MRAS: variants seen among roughly 807,000 people sequenced by gnomAD.
MRAS encodes the protein muscle RAS oncogene homolog.
MRAS carries 4 observed loss-of-function variants against 20.9 expected under a neutral mutation model. The observed-to-expected ratio is 0.19, with a 90% CI of 0.09 to 0.44. The LOEUF is 0.44. MRAS is among the 20% of genes least tolerant of loss of function. The pLI, the probability that MRAS is intolerant of heterozygous loss-of-function variation, is 0.99. For synonymous variants in MRAS, 98 were observed against 102.9 expected, an observed-to-expected ratio of 0.95 and a Z score of 0.29; for missense variants, 154 against 277.5, an observed-to-expected ratio of 0.56 and a Z score of 3.16.
In MRAS at chr3:138,402,356, C is replaced by T. The variant is rs2279241; in HGVS notation, c.*87C>T. 152,970 of 1,153,838 alleles carry T rather than the reference C, an allele frequency of 0.13. 11,093 individuals are homozygous for T. Among genetic ancestry groups the T allele is most frequent in the Non-Finnish European group, 0.15 (120,033 of 788,418 alleles). The allele number at this position is 1,153,838 out of a possible 1,614,324, so 71.5% of individuals were successfully genotyped here. ...CTAACTGCACTGAAACCATTTCTAA[C>T]CACAACCCTTGGCCCAAGGACTTGG... On this transcript the variant is annotated 3_prime_UTR_variant, in exon 6 of 6. Transcript: ENST00000423968.
At chr3:138,358,829 G>T (rs1478024466) in intron 1 of MRAS, among the ~76,000 whole-genome samples, 1 of 152,202 alleles carries the variant, frequency 6.6e-6, no homozygotes, top group Non-Finnish European at 1.5e-5. Flanking sequence ...TGCAGTGGGG[G>T]TCAGAGAAGT....
chr3:138,396,272 C>T (rs551175243), intron 2 of MRAS, among the ~76,000 whole-genome samples: 1 of 152,208 alleles, frequency 6.6e-6, no homozygotes, highest in African/African-American at 2.4e-5. Context: ...TTGACCATCC[C>T]CATTTTAGGA....
chr3:138,367,602 G>T (rs972079575), intron 1 of MRAS, among the ~76,000 whole-genome samples: 9 of 152,208 alleles, frequency 5.9e-5, no homozygotes, highest in African/African-American at 2.2e-4. Flanking sequence ...AGAAGGATGG[G>T]TGTGACCCCC....
At chr3:138,395,724 G>A (rs1471173097) in intron 2 of MRAS, among the ~76,000 whole-genome samples, 2 of 152,160 alleles carry the variant, frequency 1.3e-5, no homozygotes, top group Admixed American at 6.5e-5. Context: ...TTCATTTGTT[G>A]ATCTGTCTTG....
At chr3:138,393,943 G>GGC (rs2055181159) in intron 2 of MRAS, among the ~76,000 whole-genome samples, 1 of 152,060 alleles carries the variant, frequency 6.6e-6, no homozygotes, top group South Asian at 2.1e-4. Flanking sequence ...CACCTGCCTT[G>GGC]GCCTTCCAAA....
At chr3:138,368,464 A>G (rs1246559306) in intron 1 of MRAS, among the ~76,000 whole-genome samples, 2 of 152,280 alleles carry the variant, frequency 1.3e-5, no homozygotes, top group African/African-American at 2.4e-5. Flanking sequence ...CACTTTACTA[A>G]TAAGATACTG....
At chr3:138,385,156 ATTT>A (rs34770279) in intron 2 of MRAS, among the ~76,000 whole-genome samples, 1,648 of 66,492 alleles carry the variant, frequency 0.025, 69 homozygotes, top group African/African-American at 0.099. Context: ...TTGATTTGTA[ATTT>A]TTTTTTTTTT....
chr3:138,368,901 G>A (rs893310665), intron 1 of MRAS, among the ~76,000 whole-genome samples: 1 of 152,144 alleles, frequency 6.6e-6, no homozygotes, highest in East Asian at 1.9e-4. Flanking sequence ...AGGGTTTTGG[G>A]GGGGGCCGGA....
intron 2 of MRAS, among the ~76,000 whole-genome samples, chr3:138,380,520 A>G (rs2054878986): frequency 6.6e-6 from 1 of 151,974 alleles, no homozygotes; most frequent in Admixed American, 6.5e-5. Flanking sequence ...CGTGTTGGCC[A>G]GGCTGATCTC....
intron 1 of MRAS, among the ~76,000 whole-genome samples, chr3:138,365,502 C>G (rs2054541317): frequency 6.6e-6 from 1 of 152,226 alleles, no homozygotes; most frequent in African/African-American, 2.4e-5. Flanking sequence ...CTCTGGACTT[C>G]TGTCTGATCA....
intron 1 of MRAS, among the ~76,000 whole-genome samples, chr3:138,369,883 C>T (rs1352442187): frequency 6.6e-6 from 1 of 152,144 alleles, no homozygotes; most frequent in East Asian, 1.9e-4. Context: ...TTCATGTACT[C>T]CAGCATATTT....
In MRAS at chr3:138,362,208, C is replaced by T. The variant is rs149921061; in HGVS notation, c.-18-10658C>T. On this transcript the variant is annotated intron_variant, in intron 1 of 5. Transcript: ENST00000423968. The stretch of plus-strand genomic sequence containing the variant: ...GACACTGAGGCCCTTACCAACTCCT[C>T]GGTTCTGAGAGCCGCTTAGACCCAC... Among the ~76,000 whole-genome samples the T allele has an allele frequency of 6.1e-3, 926 of 152,290 alleles. 12 individuals are homozygous for T. The highest frequency in any genetic ancestry group is 0.021 in the African/African-American group (886 of 41,562).
At chr3:138,381,923 G>A (rs2054913607) in intron 2 of MRAS, among the ~76,000 whole-genome samples, 1 of 152,196 alleles carries the variant, frequency 6.6e-6, no homozygotes, top group South Asian at 2.1e-4. Context: ...AACGTTTACT[G>A]AGTTTTTTTT....
intron 2 of MRAS, among the ~76,000 whole-genome samples, chr3:138,389,121 T>G (rs549128041): frequency 6.6e-6 from 1 of 152,284 alleles, no homozygotes; most frequent in South Asian, 2.1e-4. Flanking sequence ...ATTACAGATG[T>G]GAGCCACCGT....
At chr3:138,354,618 C>G (rs1177063211) in intron 1 of MRAS, among the ~76,000 whole-genome samples, 3 of 152,206 alleles carry the variant, frequency 2.0e-5, no homozygotes, top group African/African-American at 7.2e-5. Flanking sequence ...TTCATCTACC[C>G]TCACAAACAC....
At chr3:138,353,171 A>G (rs1288380441) in intron 1 of MRAS, among the ~76,000 whole-genome samples, 1 of 152,210 alleles carries the variant, frequency 6.6e-6, no homozygotes, top group Admixed American at 6.5e-5. Context: ...ATTTGAATGT[A>G]TTATAAAAAT....
chr3:138,392,273 T>C (rs79790323), intron 2 of MRAS, among the ~76,000 whole-genome samples: 1,698 of 152,342 alleles, frequency 0.011, 32 homozygotes, highest in African/African-American at 0.038. Context: ...AGTGGCAAGA[T>C]TGTAGCTCAT....
At chr3:138,370,088 G>A (rs965525689) in intron 1 of MRAS, among the ~76,000 whole-genome samples, 14 of 152,158 alleles carry the variant, frequency 9.2e-5, no homozygotes, top group African/African-American at 2.4e-4. Flanking sequence ...GGGAGGCCAA[G>A]GCAGGCAGGT....
intron 1 of MRAS, among the ~76,000 whole-genome samples, chr3:138,360,273 GC>G (rs1242167599): frequency 6.6e-6 from 1 of 152,098 alleles, no homozygotes; most frequent in African/African-American, 2.4e-5. Context: ...CCTGTGAGAT[GC>G]AGAGGGATGC....
Sources: allele counts gnomAD v4.1 joint callset (sites outside exome capture counted in the v4.1 genomes callset), GRCh38; gene constraint gnomAD v4.1.1; transcripts MANE v1.5; gene names NCBI Gene and HGNC (gene_info 2026-07-23, HGNC 2026-07-21).